The following ADK variants were observed in gnomAD, a reference collection of about 807,000 sequenced individuals.
ADK encodes adenosine kinase, also known as N6,N6-dimethyladenosine kinase.
In ADK, 24 loss-of-function variants were observed where a neutral mutation model predicts 44.7. That is an observed-to-expected ratio of 0.54 (90% confidence interval 0.39 to 0.76). ADK has a LOEUF of 0.76. Among genes scored for constraint, ADK ranks in the 30% least tolerant of loss-of-function variants. The pLI is 0.00. For missense variants in ADK, 321 were observed against 425.1 expected (o/e 0.76, Z 2.15); for synonymous variants, 128 against 142.6 (o/e 0.90, Z 0.73).
intron 6 of ADK, among the ~76,000 whole-genome samples, chr10:74,487,857 C>T (rs1052222418): frequency 6.6e-6 from 1 of 151,892 alleles, no homozygotes. Flanking sequence ...ATACTGAAGC[C>T]TGCATTATTT....
intron 3 of ADK, among the ~76,000 whole-genome samples, chr10:74,226,888 G>T (rs1844563609): frequency 6.6e-6 from 1 of 151,986 alleles, no homozygotes; most frequent in Non-Finnish European, 1.5e-5. Context: ...TTGGCTGCTG[G>T]CTCTCTTCCT....
intron 6 of ADK, among the ~76,000 whole-genome samples, chr10:74,472,513 G>A (rs1589145296): frequency 6.6e-6 from 1 of 152,022 alleles, no homozygotes; most frequent in Admixed American, 6.6e-5. Context: ...AGAGAAGCCA[G>A]GTCTTACATT....
chr10:74,429,847 T>A (rs1844921642), intron 6 of ADK, among the ~76,000 whole-genome samples: 1 of 152,216 alleles, frequency 6.6e-6, no homozygotes, highest in South Asian at 2.1e-4. Context: ...CCAGATAGTG[T>A]TATACTGTGA....
intron 9 of ADK, among the ~76,000 whole-genome samples, chr10:74,668,475 A>T (rs1855052870): frequency 6.6e-6 from 1 of 152,234 alleles, no homozygotes; most frequent in African/African-American, 2.4e-5. Flanking sequence ...ATTGTGGCTC[A>T]CACCTAATCC....
intron 1 of ADK, among the ~76,000 whole-genome samples, chr10:74,177,941 A>AG (rs1842405114): frequency 1.1e-5 from 1 of 89,164 alleles, no homozygotes; most frequent in East Asian, 2.7e-4. Flanking sequence ...ATATATATAT[A>AG]TATATTTTTT....
chr10:74,440,996 A>G (rs919967401), intron 6 of ADK, among the ~76,000 whole-genome samples: 3 of 152,192 alleles, frequency 2.0e-5, no homozygotes, highest in Non-Finnish European at 4.4e-5. Flanking sequence ...TATAAACAAG[A>G]GTGATGAGTC....
chr10:74,315,889 G>T (rs992730118), intron 4 of ADK, among the ~76,000 whole-genome samples: 22 of 152,070 alleles, frequency 1.4e-4, no homozygotes, highest in African/African-American at 5.1e-4. Context: ...GATTTGTATT[G>T]TTTTTGGTAA....
At chr10:74,475,352 C>A (rs1269112032) in intron 6 of ADK, among the ~76,000 whole-genome samples, 1 of 152,058 alleles carries the variant, frequency 6.6e-6, no homozygotes, top group Non-Finnish European at 1.5e-5. Context: ...TACTTTCTGG[C>A]ACTACAAGAT....
At chr10:74,293,031 G>C (rs993583100) in intron 3 of ADK, among the ~76,000 whole-genome samples, 7 of 151,908 alleles carry the variant, frequency 4.6e-5, no homozygotes, top group African/African-American at 1.2e-4. Context: ...AGCTGAGTGT[G>C]GTGGTGCATG....
At chr10:74,370,947 A>G (rs932729598) in intron 4 of ADK, among the ~76,000 whole-genome samples, 1 of 152,090 alleles carries the variant, frequency 6.6e-6, no homozygotes. Context: ...GGGTTTTGCA[A>G]TTTTTATTGT....
intron 9 of ADK, among the ~76,000 whole-genome samples, chr10:74,615,101 A>G (rs1386477606): frequency 6.6e-6 from 1 of 152,024 alleles, no homozygotes; most frequent in African/African-American, 2.4e-5. Flanking sequence ...GTATTTACTT[A>G]TTTGTTTTAT....
chr10:74,423,011 G>A (rs1459927580), intron 6 of ADK, among the ~76,000 whole-genome samples: 1 of 152,038 alleles, frequency 6.6e-6, no homozygotes, highest in African/African-American at 2.4e-5. Flanking sequence ...CCAAGACCAC[G>A]CCAAACAAGA....
chr10:74,580,739 C>T (rs993445031), intron 7 of ADK, among the ~76,000 whole-genome samples: 1 of 152,130 alleles, frequency 6.6e-6, no homozygotes, highest in African/African-American at 2.4e-5. Context: ...TTGTAAACTG[C>T]CCAGTCTTGG....
At chr10:74,451,948 T>G (rs1845796667) in intron 6 of ADK, among the ~76,000 whole-genome samples, 1 of 151,966 alleles carries the variant, frequency 6.6e-6, no homozygotes, top group Non-Finnish European at 1.5e-5. Flanking sequence ...TGAAAAACAG[T>G]GGATACATTG....
At chr10:74,308,530 CCT>C (rs1248658678) in intron 3 of ADK, among the ~76,000 whole-genome samples, 3 of 152,068 alleles carry the variant, frequency 2.0e-5, no homozygotes, top group African/African-American at 4.8e-5. Context: ...CGATTCCCCC[CCT>C]GTGTTATTCT....
At chr10:74,161,431 G>A (rs1473903345) in intron 1 of ADK, among the ~76,000 whole-genome samples, 3 of 152,136 alleles carry the variant, frequency 2.0e-5, no homozygotes, top group African/African-American at 4.8e-5. Flanking sequence ...GTATGGTCTC[G>A]ATCTCCTGAT....
intron 6 of ADK, among the ~76,000 whole-genome samples, chr10:74,418,643 A>C (rs1844453966): frequency 6.6e-6 from 1 of 152,174 alleles, no homozygotes; most frequent in South Asian, 2.1e-4. Flanking sequence ...TTTATGATTG[A>C]CTTTAATTGG....
intron 4 of ADK, among the ~76,000 whole-genome samples, chr10:74,355,778 C>T (rs1315556932): frequency 1.3e-5 from 2 of 152,022 alleles, no homozygotes; most frequent in African/African-American, 4.8e-5. Flanking sequence ...TATATAAAGA[C>T]TTAGGTTTCC....
intron 6 of ADK, among the ~76,000 whole-genome samples, chr10:74,508,158 A>G (rs1236245744): frequency 6.6e-6 from 1 of 152,174 alleles, no homozygotes; most frequent in Non-Finnish European, 1.5e-5. Context: ...GATTCAATTT[A>G]CTAGGAAAAG....
Sources: allele counts gnomAD v4.1 joint callset (sites outside exome capture counted in the v4.1 genomes callset), GRCh38; gene constraint gnomAD v4.1.1; transcripts MANE v1.5; gene names NCBI Gene and HGNC (gene_info 2026-07-23, HGNC 2026-07-21).